Variants in SNTA1 observed in about 807,000 individuals in gnomAD.
The protein encoded by SNTA1 is alpha-1-syntrophin.
Under a neutral mutation model 47.1 loss-of-function variants are expected in SNTA1, and 31 were observed. That is an observed-to-expected ratio of 0.66 (90% confidence interval 0.49 to 0.89). SNTA1 has a LOEUF of 0.89. Ranked by LOEUF, SNTA1 falls within the 40% of genes least tolerant of loss-of-function variation. The probability of loss-of-function intolerance (pLI) is 0.00; values close to 1 mark genes in which losing one functional copy is unlikely to be tolerated. For missense variants in SNTA1, 575 were observed against 693.0 expected (o/e 0.83, Z 1.91); for synonymous variants, 300 against 313.6 (o/e 0.96, Z 0.46).
intron 2 of SNTA1, among the ~76,000 whole-genome samples, chr20:33,422,089 T>C (rs6059314): frequency 0.02 from 3,097 of 151,586 alleles, 102 homozygotes; most frequent in African/African-American, 0.07. Flanking sequence ...TTCTTGCCCA[T>C]ACTTCCTAGG....
intron 6 of SNTA1, 83 bp from the exon 7 acceptor site, chr20:33,408,971 A>C (rs1989670207): frequency 7.9e-7 from 1 of 1,269,310 alleles, no homozygotes; most frequent in Non-Finnish European, 1.1e-6. Context: ...GCAGCTTACA[A>C]AGTGGGGCCT....
At chr20:33,426,038 G>A (rs1391987018) in intron 2 of SNTA1, among the ~76,000 whole-genome samples, 1 of 147,574 alleles carries the variant, frequency 6.8e-6, no homozygotes, top group South Asian at 2.2e-4. Context: ...ATCGTACCAT[G>A]GCACTCCAGC....
At chr20:33,413,235 C>T (rs140142298) in intron 3 of SNTA1, among the ~76,000 whole-genome samples, 2,459 of 152,054 alleles carry the variant, frequency 0.016, 60 homozygotes, top group African/African-American at 0.055. Flanking sequence ...CCCCGTGATC[C>T]GCCTGCCTCA....
chr20:33,417,922 G>A lies in SNTA1; in HGVS notation c.498C>T (p.Val166=). 6.2e-7 allele frequency: 1 copy of A among 1,609,114 alleles called. No individual in the cohort carries two copies. Among genetic ancestry groups the A allele is most frequent in the East Asian group, 2.2e-5 (1 of 44,826 alleles). ...ACGGTGAGACGTCCTTCATATACTT[G>A]ACTGATTGGGAGAGACATCAGCAGT... ...KKTGKEVVLE[V]KYMKDVSPYF... Residue 166 remains valine (V), a splice_region_variant and synonymous_variant, in exon 3 of 8, where the codon GTC becomes GTT. Coordinates refer to ENST00000217381, the MANE Select transcript of SNTA1 (RefSeq NM_003098.3).
intron 2 of SNTA1, among the ~76,000 whole-genome samples, chr20:33,434,162 A>G (rs1018093817): frequency 1.3e-5 from 2 of 152,126 alleles, no homozygotes; most frequent in African/African-American, 4.8e-5. Flanking sequence ...AGGCCCAGAG[A>G]GGGTCCCAGG....
In SNTA1 at chr20:33,420,026, C is replaced by T. The variant is rs142871211; in HGVS notation, c.497-2103G>A. 3.6e-4 allele frequency among the ~76,000 whole-genome samples: 55 copies of T among 152,022 alleles called. No homozygotes were observed. The East Asian group carries it at 7.4e-3, about 20-fold the overall frequency. On this transcript the variant is annotated intron_variant, in intron 2 of 7. Coordinates refer to ENST00000217381, the MANE Select transcript of SNTA1 (RefSeq NM_003098.3). ...GCAACCTCTGCCTCCCGGGTTCAAG[C>T]GAATCTCCTGCCTCAGCCTCCCAAG... is the stretch of plus-strand genomic sequence containing the variant.
At chr20:33,423,996 C>T (rs1228142496) in intron 2 of SNTA1, among the ~76,000 whole-genome samples, 2 of 151,558 alleles carry the variant, frequency 1.3e-5, no homozygotes, top group Non-Finnish European at 2.9e-5. Context: ...TTTTCCAGTT[C>T]ACTAGGGTAT....
chr20:33,430,437 C>A (rs945837354), intron 2 of SNTA1, among the ~76,000 whole-genome samples: 2 of 150,664 alleles, frequency 1.3e-5, no homozygotes, highest in African/African-American at 2.4e-5. Context: ...TACAGGCACG[C>A]GCTAAATTTT....
chr20:33,412,884 G>T (rs1398354120), intron 3 of SNTA1, 102 bp from the exon 4 acceptor site: 1 of 783,452 alleles, frequency 1.3e-6, no homozygotes, highest in East Asian at 2.7e-5. Flanking sequence ...GGAGAAACCA[G>T]GGGGATGTCC....
intron 2 of SNTA1, among the ~76,000 whole-genome samples, chr20:33,428,536 T>G (rs1990218123): frequency 6.6e-6 from 1 of 152,148 alleles, no homozygotes; most frequent in South Asian, 2.1e-4. Context: ...GTATCAACAC[T>G]GGTTATCTCT....
At chr20:33,436,893 AAG>A (rs1198884703) in intron 2 of SNTA1, among the ~76,000 whole-genome samples, 1 of 150,446 alleles carries the variant, frequency 6.6e-6, no homozygotes, top group Non-Finnish European at 1.5e-5. Context: ...TTGAACCTGG[AAG>A]GCGGAGGATG....
chr20:33,412,280 C>T lies in SNTA1; in HGVS notation c.1040+16G>A, dbSNP rs762505567. On this transcript the variant is annotated intron_variant, in intron 5 of 7. Coordinates refer to ENST00000217381, the MANE Select transcript of SNTA1 (RefSeq NM_003098.3). Reference sequence around the variant, plus strand: ...GCAAGTTCTGGGGGAGACATACTGCCCCTGCCTGTGGGTACCTGGTGGCGA... The same window carrying T: ...GCAAGTTCTGGGGGAGACATACTGCTCCTGCCTGTGGGTACCTGGTGGCGA... 1 of 1,607,912 alleles carries T rather than the reference C, an allele frequency of 6.2e-7. No individual in the cohort carries two copies. Among genetic ancestry groups the T allele is most frequent in the Admixed American group, 1.7e-5 (1 of 59,412 alleles).
At position 33,417,684 on chromosome 20, in the gene SNTA1, C is replaced by G. The variant is rs1222916113; in HGVS notation, c.701+35G>C. The G allele has an allele frequency of 4.7e-6, 7 of 1,499,306 alleles. No homozygotes were observed. In the Admixed American group the frequency reaches 1.0e-4, roughly 21 times the overall value. The allele number at this position is 1,499,306 out of a possible 1,614,324, so 92.9% of individuals were successfully genotyped here. A position where few individuals can be genotyped will look rare whatever the true frequency, so the allele number is the denominator to read the frequency against. ...GTCCCACCACCTGACGCCAGGGCAT[C>G]TGTCCATCTGAGTTGCTCCCAACCC... On this transcript the variant is annotated intron_variant, in intron 3 of 7. Coordinates refer to ENST00000217381, the MANE Select transcript of SNTA1 (RefSeq NM_003098.3).
rs1192364082 is a variant in SNTA1 at position 33,412,733 on chromosome 20, C to T, written c.751G>A (p.Ala251Thr). Residue 251 changes from alanine to threonine, a missense_variant, in exon 4 of 8, where the codon GCC becomes ACC. Ala to Thr is a moderately conservative substitution (Grantham distance 58). Transcript: ENST00000217381. Reference protein sequence around the residue: ...ADGQDTLFLRAKDEASARSWA... With the variant: ...ADGQDTLFLRTKDEASARSWA... ...GACCTCGCACTAGCCTCATCCTTGGCCCTCAGGAAGAGGGTGTCTTGACCA... is the reference window on the plus strand; with the variant it reads ...GACCTCGCACTAGCCTCATCCTTGGTCCTCAGGAAGAGGGTGTCTTGACCA... The T allele has an allele frequency of 2.5e-6, 4 of 1,613,268 alleles. No homozygotes were observed. In the African/African-American group the frequency reaches 5.3e-5, roughly 22 times the overall value.
chr20:33,411,133 C>T lies in SNTA1; in HGVS notation c.1041-802G>A, dbSNP rs1989730611. On this transcript the variant is annotated intron_variant, in intron 5 of 7. Coordinates refer to ENST00000217381, the MANE Select transcript of SNTA1 (RefSeq NM_003098.3). ...TGCCCCATATCCCTCTTTGTTCCTC[C>T]CTCCACCCACTCTTTCTCCTATAGC... Among the ~76,000 whole-genome samples the T allele has an allele frequency of 2.0e-5, 3 of 152,036 alleles. No homozygotes were observed. In the South Asian group the frequency reaches 6.2e-4, roughly 32 times the overall value.
intron 5 of SNTA1, 136 bp downstream of exon 5, chr20:33,412,160 C>A: frequency 1.1e-6 from 1 of 947,796 alleles, no homozygotes; most frequent in Non-Finnish European, 1.5e-6. Flanking sequence ...GAGGCCCAGA[C>A]AGGGCAGAGA....
At chr20:33,410,747 G>A (rs1353867633) in intron 5 of SNTA1, among the ~76,000 whole-genome samples, 2 of 152,140 alleles carry the variant, frequency 1.3e-5, no homozygotes, top group East Asian at 3.8e-4. Context: ...TTTAATCATG[G>A]TACCAGAAAT....
chr20:33,443,322 A>T lies in SNTA1; in HGVS notation c.299T>A (p.Ile100Asn), dbSNP rs1230512806. Residue 100 changes from isoleucine to asparagine, a missense_variant, in exon 1 of 8, where the codon ATC becomes AAC. Physicochemically the swap from Ile to Asn is moderately radical, Grantham distance 149. Coordinates refer to ENST00000217381, the MANE Select transcript of SNTA1 (RefSeq NM_003098.3). ...TGTCCCGCGCCCACCTTTGATGCTG[A>T]TGCCCAGCCCACCGGCGTCGGCCTT... is the stretch of plus-strand genomic sequence containing the variant. ...VRKADAGGLG[I>N]SIKGGRENKM... 3 of 1,508,664 alleles carry T rather than the reference A, an allele frequency of 2.0e-6. No homozygotes were observed. The highest frequency in any genetic ancestry group is 2.6e-6 in the Non-Finnish European group (3 of 1,136,256). 93.5% of individuals were successfully genotyped at this position (1,508,664 alleles called of 1,614,324 possible).
At chr20:33,440,082 G>A (rs994031559) in intron 1 of SNTA1, among the ~76,000 whole-genome samples, 2 of 151,278 alleles carry the variant, frequency 1.3e-5, no homozygotes, top group Middle Eastern at 3.4e-3. Context: ...CTGAGATCAC[G>A]CCATTGCTCT....
Sources: allele counts gnomAD v4.1 joint callset (sites outside exome capture counted in the v4.1 genomes callset), GRCh38; gene constraint gnomAD v4.1.1; transcripts MANE v1.5; gene names NCBI Gene and HGNC (gene_info 2026-07-23, HGNC 2026-07-21).